ARHGAP35: variants seen among roughly 807,000 people sequenced by gnomAD.
ARHGAP35 encodes the protein rho GTPase-activating protein 35.
A neutral mutation model predicts 111.1 loss-of-function variants in ARHGAP35; 15 were observed. The ratio of observed to expected loss-of-function variants is 0.13; its 90% CI spans 0.09 to 0.21. The LOEUF (loss-of-function observed/expected upper bound fraction) is 0.21, where lower values mean the gene tolerates loss of function less well. Among genes scored for constraint, ARHGAP35 ranks in the 10% least tolerant of loss-of-function variants. The pLI, the probability that ARHGAP35 is intolerant of heterozygous loss-of-function variation, is 1.00. For synonymous variants in ARHGAP35, 643 were observed against 710.3 expected, an observed-to-expected ratio of 0.91 and a Z score of 1.51; for missense variants, 1,262 against 1,873.0, an observed-to-expected ratio of 0.67 and a Z score of 6.02.
intron 3 of ARHGAP35, among the ~76,000 whole-genome samples, chr19:46,961,484 G>A (rs2056482107): frequency 1.3e-5 from 2 of 152,198 alleles, no homozygotes; most frequent in Admixed American, 6.5e-5. Context: ...TGTTAGAATT[G>A]CAGCTGCCTT....
At chr19:46,875,421 G>T (rs1389267400) in intron 1 of ARHGAP35, among the ~76,000 whole-genome samples, 1 of 152,080 alleles carries the variant, frequency 6.6e-6, no homozygotes, top group Non-Finnish European at 1.5e-5. Context: ...TTGAATAAAA[G>T]TATGAGTTTC....
At chr19:46,882,558 T>C (rs1289433666) in intron 1 of ARHGAP35, among the ~76,000 whole-genome samples, 3 of 152,220 alleles carry the variant, frequency 2.0e-5, no homozygotes, top group Non-Finnish European at 2.9e-5. Context: ...TAGGTATACA[T>C]GTGCCATTGA....
intron 1 of ARHGAP35, among the ~76,000 whole-genome samples, chr19:46,899,994 T>G (rs182046018): frequency 9.3e-4 from 141 of 152,284 alleles, no homozygotes; most frequent in Non-Finnish European, 2.6e-4. Context: ...GTAATTGGAA[T>G]AAATAATGAA....
At chr19:46,951,636 C>T (rs934902867) in intron 3 of ARHGAP35, among the ~76,000 whole-genome samples, 2 of 152,190 alleles carry the variant, frequency 1.3e-5, no homozygotes, top group East Asian at 1.9e-4. Flanking sequence ...TTAGAGACCT[C>T]ATAACAGTAC....
Position 46,988,164 on chromosome 19 carries a change from C to A in ARHGAP35, c.3904+98C>A. ...CTGTGGGGCTTCGGAGCACTCCTGC[C>A]AGCACAGACCCAAAGCCACGAGGTG... On this transcript the variant is annotated intron_variant, in intron 4 of 6. Coordinates refer to ENST00000672722, the MANE Select transcript of ARHGAP35 (RefSeq NM_004491.5). This position sits in a 1 kb window ranked among gnomAD's most constrained non-coding sequence, Gnocchi z 5.4. The A allele has an allele frequency of 8.6e-7, 1 of 1,169,098 alleles. No homozygotes were observed. The highest frequency in any genetic ancestry group is 1.2e-6 in the Non-Finnish European group (1 of 806,812). 72.4% of individuals were successfully genotyped at this position (1,169,098 alleles called of 1,614,324 possible). A position where few individuals can be genotyped will look rare whatever the true frequency, so the allele number is the denominator to read the frequency against.
At chr19:46,967,293 G>T (rs1193524505) in intron 3 of ARHGAP35, among the ~76,000 whole-genome samples, 1 of 152,118 alleles carries the variant, frequency 6.6e-6, no homozygotes, top group African/African-American at 2.4e-5. Flanking sequence ...ACCATTTGCG[G>T]GAAGGTAGGG....
At chr19:46,914,116 T>C (rs750822686) in intron 1 of ARHGAP35, among the ~76,000 whole-genome samples, 17 of 152,216 alleles carry the variant, frequency 1.1e-4, no homozygotes, top group Non-Finnish European at 1.9e-4. Context: ...TACCGTGTAA[T>C]TCAGTCCAAT....
intron 1 of ARHGAP35, among the ~76,000 whole-genome samples, chr19:46,865,081 C>T (rs896166315): frequency 6.6e-6 from 1 of 152,226 alleles, no homozygotes; most frequent in Non-Finnish European, 1.5e-5. Flanking sequence ...TCAGATTTCT[C>T]TGAGGCTAGC....
At chr19:46,884,540 G>A (rs1294840513) in intron 1 of ARHGAP35, among the ~76,000 whole-genome samples, 2 of 101,170 alleles carry the variant, frequency 2.0e-5, no homozygotes, top group Non-Finnish European at 3.6e-5. Flanking sequence ...AGGGTCTCTT[G>A]TCCAGACTGG....
At chr19:46,879,502 GATTGA>G in intron 1 of ARHGAP35, among the ~76,000 whole-genome samples, 1 of 84,706 alleles carries the variant, frequency 1.2e-5, no homozygotes. Flanking sequence ...TAGAAGAATC[GATTGA>G]ACCCGGGAGG....
Position 46,919,781 on chromosome 19 carries a change from T to C in ARHGAP35, c.1106T>C (p.Leu369Pro). 1 of 1,613,960 alleles carries C rather than the reference T, an allele frequency of 6.2e-7. No homozygotes were observed. The highest frequency in any genetic ancestry group is 8.5e-7 in the Non-Finnish European group (1 of 1,179,872). Residue 369 changes from leucine to proline, a missense_variant, in exon 2 of 7, where the codon CTC becomes CCC. Around this residue, in one of 8 missense-constraint regions of ARHGAP35, gnomAD observed 328 missense variants for 440.8 expected, o/e 0.74. Transcript: ENST00000672722. This position sits in a 1 kb window ranked among gnomAD's most constrained non-coding sequence, Gnocchi z 6.2. ...CTAAGCTGCATAAAAGCCAAAAAGCTCTTAGAAACCAAGCCAGAATTCTTG... is the reference window on the plus strand; with the variant it reads ...CTAAGCTGCATAAAAGCCAAAAAGCCCTTAGAAACCAAGCCAGAATTCTTG... ...DHLSCIKAKK[L>P]LETKPEFLKW...
chr19:46,874,263 A>G lies in ARHGAP35; in HGVS notation c.-189+13054A>G, dbSNP rs571792223. On this transcript the variant is annotated intron_variant, in intron 1 of 6. Transcript: ENST00000672722. ...CTCTGGGAGAATTTTTATGCCGTTT[A>G]TAAAACAAAAGCAATTCTTCCCTTA... is the stretch of plus-strand genomic sequence containing the variant. Among the ~76,000 whole-genome samples, 55 of 152,270 alleles carry G rather than the reference A, an allele frequency of 3.6e-4. 1 individual carries two copies. Among genetic ancestry groups the G allele is most frequent in the African/African-American group, 1.2e-3 (50 of 41,538 alleles).
intron 1 of ARHGAP35, among the ~76,000 whole-genome samples, chr19:46,897,695 C>CAAAAA (rs11434545): frequency 7.5e-6 from 1 of 133,724 alleles, no homozygotes. Context: ...GATCTTTAAC[C>CAAAAA]AAAAAAAAAA....
intron 1 of ARHGAP35, among the ~76,000 whole-genome samples, chr19:46,863,814 G>A (rs1057224401): frequency 6.6e-6 from 1 of 152,322 alleles, no homozygotes; most frequent in Admixed American, 6.5e-5. Context: ...ATGGCCTCTG[G>A]TTTGCAGTGT....
At chr19:46,895,454 C>T (rs1183222083) in intron 1 of ARHGAP35, among the ~76,000 whole-genome samples, 3 of 152,282 alleles carry the variant, frequency 2.0e-5, no homozygotes, top group Admixed American at 1.3e-4. Flanking sequence ...CGTGAGCCAC[C>T]GCGCCCAGCC....
rs942616600 is a variant in ARHGAP35, at chr19:46,994,149, C to T, written c.4036+4474C>T. Among the ~76,000 whole-genome samples the T allele has an allele frequency of 2.6e-5, 4 of 152,116 alleles. No individual in the cohort carries two copies. The highest frequency in any genetic ancestry group is 6.5e-5 in the Admixed American group (1 of 15,278). ...GCCACCCTGGGCACCTGTACCATGG[C>T]GGGTCCGGGTTGCAGCAGCTCACCC... On this transcript the variant is annotated intron_variant, in intron 5 of 6. Transcript: ENST00000672722. This position sits in a 1 kb window ranked among gnomAD's most constrained non-coding sequence, Gnocchi z 5.4.
At chr19:46,924,346 C>T (rs1173440215) in intron 2 of ARHGAP35, among the ~76,000 whole-genome samples, 1 of 152,216 alleles carries the variant, frequency 6.6e-6, no homozygotes, top group Non-Finnish European at 1.5e-5. Context: ...ACAGAAATTG[C>T]ATCCACTTTG....
At position 46,872,604 on chromosome 19, in the gene ARHGAP35, G is replaced by A. The variant is rs1201337351; in HGVS notation, c.-189+11395G>A. Among the ~76,000 whole-genome samples, 7 of 152,222 alleles carry A rather than the reference G, an allele frequency of 4.6e-5. No individual in the cohort carries two copies. In the South Asian group the frequency reaches 1.2e-3, roughly 27 times the overall value. ...ATCAAATTAATTACTAATAAGGCTG[G>A]GTGAGGTGGCTCAAGCCTGTAATCC... On this transcript the variant is annotated intron_variant, in intron 1 of 6. Transcript: ENST00000672722.
chr19:46,987,036 C>T (rs144178708), intron 3 of ARHGAP35, among the ~76,000 whole-genome samples: 3,036 of 151,930 alleles, frequency 0.02, 105 homozygotes, highest in African/African-American at 0.068. Flanking sequence ...CCATGTTGGT[C>T]AGGCTGGTCT....
Sources: gnomAD v4.1 joint callset for allele counts (sites outside exome capture counted in the v4.1 genomes callset) on GRCh38, gnomAD v4.1.1 for gene constraint, gnomAD v4.1.1 regional missense constraint, Gnocchi (gnomAD v3.1) non-coding constraint, MANE v1.5 for transcripts, NCBI Gene and HGNC (gene_info 2026-07-23, HGNC 2026-07-21) for gene names.